NTM: variants seen among roughly 807,000 people sequenced by gnomAD.
NTM encodes neurotrimin.
In NTM, 13 loss-of-function variants were observed where a neutral mutation model predicts 42.1. The observed-to-expected ratio is 0.31, with a 90% CI of 0.20 to 0.49. The LOEUF (loss-of-function observed/expected upper bound fraction) is 0.49, where lower values mean the gene tolerates loss of function less well. NTM is among the 20% of genes least tolerant of loss of function. The probability of loss-of-function intolerance (pLI) is 0.99; values close to 1 mark genes in which losing one functional copy is unlikely to be tolerated. For missense variants in NTM, 373 were observed against 452.8 expected (o/e 0.82, Z 1.60); for synonymous variants, 187 against 179.2 (o/e 1.04, Z -0.35).
intron 1 of NTM, chr11:131,660,302 G>A (rs1356686158): frequency 2.8e-6 from 1 of 358,882 alleles, no homozygotes. Context: ...AAGCAGGTCT[G>A]AAAGACAGAT....
rs192254624 is a variant in NTM at position 131,951,151 on chromosome 11, T to C, written c.167+39503T>C. Among the ~76,000 whole-genome samples, 361 of 152,196 alleles carry C rather than the reference T, an allele frequency of 2.4e-3. 1 individual carries two copies. The highest frequency in any genetic ancestry group is 6.8e-3 in the Middle Eastern group (2 of 294). On this transcript the variant is annotated intron_variant, in intron 2 of 8. Coordinates refer to ENST00000683400, the MANE Select transcript of NTM (RefSeq NM_001352005.2). ...ATTTTGAGTTCTTAGTATGGTACCGTGAAAATCACTAGTGTTGAAAGGAAT... is the reference window on the plus strand; with the variant it reads ...ATTTTGAGTTCTTAGTATGGTACCGCGAAAATCACTAGTGTTGAAAGGAAT...
At chr11:131,750,238 T>A (rs2082317143) in intron 1 of NTM, among the ~76,000 whole-genome samples, 1 of 141,510 alleles carries the variant, frequency 7.1e-6, no homozygotes, top group African/African-American at 2.6e-5. Context: ...TGTTGCCACC[T>A]TTGTCCAGGA....
chr11:132,237,668 AC>A, intron 4 of NTM, among the ~76,000 whole-genome samples: 1 of 151,906 alleles, frequency 6.6e-6, no homozygotes, highest in Non-Finnish European at 1.5e-5. Context: ...TCTCTCTGGA[AC>A]CCACAGGCAG....
rs140080415 is a variant in NTM at position 131,500,010 on chromosome 11, G to A, written c.82+129122G>A. On this transcript the variant is annotated intron_variant, in intron 1 of 8. Coordinates refer to ENST00000683400, the MANE Select transcript of NTM (RefSeq NM_001352005.2). ...AGGAGGGCTGTGTGTCACTGCAAAT[G>A]CTGGGTGCAGTGTGTGGTCCCCCCA... 1.4e-4 allele frequency among the ~76,000 whole-genome samples: 21 copies of A among 152,348 alleles called. 1 individual carries two copies. The highest frequency in any genetic ancestry group is 2.6e-4 in the Admixed American group (4 of 15,302).
intron 4 of NTM, among the ~76,000 whole-genome samples, chr11:132,292,182 T>A (rs1327278484): frequency 5.3e-5 from 8 of 152,192 alleles, no homozygotes; most frequent in Non-Finnish European, 1.0e-4. Context: ...GGAATTGGTT[T>A]TTTGATAGCG....
intron 2 of NTM, among the ~76,000 whole-genome samples, chr11:132,127,472 A>G (rs1370330586): frequency 6.6e-6 from 1 of 152,240 alleles, no homozygotes; most frequent in Non-Finnish European, 1.5e-5. Context: ...TGAGCCCTCT[A>G]TAACACAGGT....
At chr11:131,643,205 G>A (rs946218387) in intron 1 of NTM, among the ~76,000 whole-genome samples, 2 of 152,132 alleles carry the variant, frequency 1.3e-5, no homozygotes, top group Non-Finnish European at 2.9e-5. Flanking sequence ...GCAAAACAAA[G>A]CATGGATCAA....
chr11:132,229,315 C>T (rs993443345), intron 4 of NTM, among the ~76,000 whole-genome samples: 2 of 152,196 alleles, frequency 1.3e-5, no homozygotes, highest in African/African-American at 4.8e-5. Context: ...CTCACAGGTG[C>T]TCCCTAACGT....
At chr11:131,434,142 C>T (rs1471532292) in intron 1 of NTM, among the ~76,000 whole-genome samples, 1 of 152,176 alleles carries the variant, frequency 6.6e-6, no homozygotes, top group Non-Finnish European at 1.5e-5. Context: ...CTTTTTATGG[C>T]TGCATAATAT....
chr11:131,939,359 CTGGATAAGATGATAGCTTGAGGA>C (rs539779906), intron 2 of NTM, among the ~76,000 whole-genome samples: 1,887 of 152,018 alleles, frequency 0.012, 10 homozygotes, highest in Middle Eastern at 0.041. Context: ...ATCCATGGGA[CTGGATAAGATGATAGCTTGAGGA>C]TTTTGGCAAG....
intron 4 of NTM, among the ~76,000 whole-genome samples, chr11:132,245,045 A>G (rs1012385230): frequency 6.6e-6 from 1 of 152,204 alleles, no homozygotes; most frequent in Non-Finnish European, 1.5e-5. Context: ...TGTGCGTCCA[A>G]TTCGCCGTGA....
At chr11:132,084,180 T>G (rs1464047221) in intron 2 of NTM, among the ~76,000 whole-genome samples, 1 of 152,100 alleles carries the variant, frequency 6.6e-6, no homozygotes, top group Admixed American at 6.6e-5. Context: ...TAGCTGATTA[T>G]AAACCATCTT....
chr11:132,169,135 G>A (rs1483224667), intron 3 of NTM, among the ~76,000 whole-genome samples: 1 of 151,774 alleles, frequency 6.6e-6, no homozygotes, highest in African/African-American at 2.4e-5. Flanking sequence ...CTCACTTTGG[G>A]CCTCTGGTTC....
intron 3 of NTM, among the ~76,000 whole-genome samples, chr11:132,156,425 C>G (rs1412147692): frequency 2.0e-5 from 3 of 152,186 alleles, no homozygotes; most frequent in Non-Finnish European, 4.4e-5. Flanking sequence ...GAGAACTTTC[C>G]CAGACCTGCT....
intron 7 of NTM, among the ~76,000 whole-genome samples, chr11:132,326,298 T>A (rs964720135): frequency 6.6e-6 from 1 of 152,196 alleles, no homozygotes; most frequent in Non-Finnish European, 1.5e-5. Flanking sequence ...CACTGAGATC[T>A]TCATTCTCAG....
intron 1 of NTM, among the ~76,000 whole-genome samples, chr11:131,492,977 A>G (rs1291683942): frequency 6.6e-6 from 1 of 152,110 alleles, no homozygotes; most frequent in Non-Finnish European, 1.5e-5. Flanking sequence ...TAGCACTTTG[A>G]GAAACTGAGG....
At chr11:131,863,987 G>A (rs2046888436) in intron 1 of NTM, among the ~76,000 whole-genome samples, 1 of 152,180 alleles carries the variant, frequency 6.6e-6, no homozygotes, top group African/African-American at 2.4e-5. Context: ...TTTCCTTGTA[G>A]AAATGGAGTG....
intron 1 of NTM, among the ~76,000 whole-genome samples, chr11:131,598,561 TC>T (rs1228269947): frequency 6.6e-6 from 1 of 152,022 alleles, no homozygotes; most frequent in Non-Finnish European, 1.5e-5. Flanking sequence ...AGCTCCCCCC[TC>T]CATTAGTCAC....
chr11:131,463,884 G>C (rs1951642077), intron 1 of NTM, among the ~76,000 whole-genome samples: 1 of 152,244 alleles, frequency 6.6e-6, no homozygotes, highest in Non-Finnish European at 1.5e-5. Flanking sequence ...GCGGCAGCCT[G>C]CCCTGGCAGC....
Sources: allele counts gnomAD v4.1 joint callset (sites outside exome capture counted in the v4.1 genomes callset), GRCh38; gene constraint gnomAD v4.1.1; transcripts MANE v1.5; gene names NCBI Gene and HGNC (gene_info 2026-07-23, HGNC 2026-07-21).